UNC79: variants seen among roughly 807,000 people sequenced by gnomAD.
The protein encoded by UNC79 is protein unc-79 homolog.
In UNC79, 37 loss-of-function variants were observed where a neutral mutation model predicts 283.1. That is an observed-to-expected ratio of 0.13 (90% CI 0.10 to 0.17). The LOEUF (loss-of-function observed/expected upper bound fraction) is 0.17. Ranked by LOEUF, UNC79 falls within the 10% of genes least tolerant of loss-of-function variation. The probability of loss-of-function intolerance (pLI) is 1.00; values close to 1 mark genes in which losing one functional copy is unlikely to be tolerated. For synonymous variants in UNC79, 1,107 were observed against 1,200.2 expected (o/e 0.92, Z 1.61); for missense variants, 2,272 against 3,211.1 (o/e 0.71, Z 7.07).
intron 4 of UNC79, among the ~76,000 whole-genome samples, chr14:93,478,095 G>A (rs532823528): frequency 6.6e-6 from 1 of 152,292 alleles, no homozygotes; most frequent in Non-Finnish European, 1.5e-5. Flanking sequence ...GAAGGCAGTA[G>A]GATCTAATAG....
chr14:93,359,021 A>T (rs925595923), intron 1 of UNC79, among the ~76,000 whole-genome samples: 2 of 152,200 alleles, frequency 1.3e-5, no homozygotes, highest in African/African-American at 4.8e-5. Context: ...AGGCATGGGA[A>T]TGGATATTAA....
upstream of UNC79, among the ~76,000 whole-genome samples, chr14:93,427,053 A>G (rs929355632): frequency 2.0e-5 from 3 of 152,176 alleles, no homozygotes; most frequent in African/African-American, 7.2e-5. Context: ...CTATCAGTTT[A>G]TTGAATATCA....
chr14:93,616,544 A>G (rs960083910), intron 27 of UNC79, among the ~76,000 whole-genome samples: 2 of 151,638 alleles, frequency 1.3e-5, no homozygotes, highest in Non-Finnish European at 1.5e-5. Context: ...AACTTATTGT[A>G]TTTTTGGTAG....
rs943323 is a variant in UNC79 at position 93,694,175 on chromosome 14, C to A, written c.7471-160C>A. Among the ~76,000 whole-genome samples the A allele has an allele frequency of 0.71, 108,367 of 152,080 alleles. 39,196 individuals are homozygous for A. Among genetic ancestry groups the A allele is most frequent in the African/African-American group, 0.81 (33,417 of 41,496 alleles). On this transcript the variant is annotated intron_variant, in intron 46 of 48. Coordinates refer to ENST00000555664, the Ensembl canonical transcript of UNC79. ...TTTTAAAATTCTTTTTCTGGTTTGA[C>A]GTTTCAGAGGTGAATGAACACCACT...
intron 41 of UNC79, among the ~76,000 whole-genome samples, chr14:93,680,735 G>A (rs2073778592): frequency 6.6e-6 from 1 of 152,036 alleles, no homozygotes; most frequent in Non-Finnish European, 1.5e-5. Context: ...CTGGGTTACA[G>A]GCATGTGCCA....
intron 14 of UNC79, among the ~76,000 whole-genome samples, chr14:93,565,353 A>G (rs974451494): frequency 6.6e-6 from 1 of 152,180 alleles, no homozygotes; most frequent in African/African-American, 2.4e-5. Context: ...TATTTGACCT[A>G]TGACCCAGGG....
intron 22 of UNC79, among the ~76,000 whole-genome samples, chr14:93,588,260 G>A (rs548691167): frequency 6.6e-6 from 1 of 152,204 alleles, no homozygotes; most frequent in African/African-American, 2.4e-5. Flanking sequence ...ACTAGAATGA[G>A]TATGGAGAAA....
intron 40 of UNC79, among the ~76,000 whole-genome samples, chr14:93,668,727 C>G (rs953258612): frequency 2.6e-5 from 4 of 151,538 alleles, no homozygotes; most frequent in African/African-American, 9.7e-5. Context: ...CACCTGTAGT[C>G]CCATTGCTTG....
chr14:93,361,677 C>T (rs2054230705), intron 1 of UNC79, among the ~76,000 whole-genome samples: 1 of 151,950 alleles, frequency 6.6e-6, no homozygotes, highest in African/African-American at 2.4e-5. Flanking sequence ...TTTTGGATGC[C>T]TTTTATTTCT....
At chr14:93,554,302 C>T (rs2062044168) in intron 14 of UNC79, among the ~76,000 whole-genome samples, 1 of 149,606 alleles carries the variant, frequency 6.7e-6, no homozygotes, top group African/African-American at 2.5e-5. Context: ...GAGTTGAGAC[C>T]ATGCCATTGT....
chr14:93,467,628 C>CATTTT, intron 1 of UNC79, 43 bp from the exon 2 acceptor site: 5 of 761,392 alleles, frequency 6.6e-6, no homozygotes, highest in Non-Finnish European at 7.4e-6. Flanking sequence ...TTTCTTCTTC[C>CATTTT]TTTTTTTTTT....
At chr14:93,456,351 A>G (rs192440540) in intron 1 of UNC79, among the ~76,000 whole-genome samples, 1 of 152,306 alleles carries the variant, frequency 6.6e-6, no homozygotes, top group Non-Finnish European at 1.5e-5. Context: ...AAATAATGTG[A>G]TGAATAGGAT....
At chr14:93,588,346 A>G (rs1215130104) in intron 22 of UNC79, among the ~76,000 whole-genome samples, 1 of 152,232 alleles carries the variant, frequency 6.6e-6, no homozygotes, top group South Asian at 2.1e-4. Context: ...ATATAAACAC[A>G]CAATGCAGAA....
At chr14:93,517,844 C>T (rs1045236226) in intron 7 of UNC79, among the ~76,000 whole-genome samples, 4 of 151,692 alleles carry the variant, frequency 2.6e-5, no homozygotes, top group African/African-American at 7.3e-5. Flanking sequence ...CCAAATTCTG[C>T]CCCCCTGTTA....
intron 47 of UNC79, among the ~76,000 whole-genome samples, chr14:93,702,332 C>T (rs1207295859): frequency 6.6e-6 from 1 of 152,168 alleles, no homozygotes; most frequent in Non-Finnish European, 1.5e-5. Flanking sequence ...AGTCTCATTA[C>T]ATTTTCTGAT....
At chr14:93,442,123 CT>C (rs955797648) in intron 1 of UNC79, among the ~76,000 whole-genome samples, 4 of 150,844 alleles carry the variant, frequency 2.7e-5, no homozygotes, top group East Asian at 1.9e-4. Context: ...GTGGCTTAGT[CT>C]TTTTTTTTAA....
At chr14:93,558,578 A>C (rs1334409637) in intron 14 of UNC79, among the ~76,000 whole-genome samples, 4 of 138,086 alleles carry the variant, frequency 2.9e-5, no homozygotes, top group Non-Finnish European at 6.2e-5. Context: ...AATCTTGTAG[A>C]GGAGAGAAAC....
At chr14:93,685,587 G>T (rs781595670) in intron 42 of UNC79, among the ~76,000 whole-genome samples, 1 of 152,154 alleles carries the variant, frequency 6.6e-6, no homozygotes, top group Non-Finnish European at 1.5e-5. Context: ...GTTCAGTACC[G>T]CGCAGATTTA....
At chr14:93,389,082 T>A (rs538335370) in intron 1 of UNC79, among the ~76,000 whole-genome samples, 16 of 152,258 alleles carry the variant, frequency 1.1e-4, no homozygotes, top group South Asian at 2.1e-4. Flanking sequence ...TGTTTTGAGT[T>A]ATGAGATTAT....
Sources: allele counts gnomAD v4.1 joint callset (sites outside exome capture counted in the v4.1 genomes callset), GRCh38; gene constraint gnomAD v4.1.1; transcripts MANE v1.5; gene names NCBI Gene and HGNC (gene_info 2026-07-23, HGNC 2026-07-21).